ARRB1: variants seen among roughly 807,000 people sequenced by gnomAD.
ARRB1 encodes beta-arrestin-1.
ARRB1 carries 21 observed loss-of-function variants against 56.8 expected under a neutral mutation model. The ratio of observed to expected loss-of-function variants is 0.37; its 90% CI spans 0.26 to 0.53. ARRB1 has a LOEUF of 0.53. Among genes scored for constraint, ARRB1 ranks in the 20% least tolerant of loss-of-function variants. ARRB1 has a pLI of 0.88. For missense variants in ARRB1, 424 were observed against 553.7 expected, an observed-to-expected ratio of 0.77 and a Z score of 2.35; for synonymous variants, 210 against 218.6, an observed-to-expected ratio of 0.96 and a Z score of 0.35.
chr11:75,304,171 C>T (rs185112091), intron 1 of ARRB1, among the ~76,000 whole-genome samples: 1 of 152,142 alleles, frequency 6.6e-6, no homozygotes, highest in African/African-American at 2.4e-5. Flanking sequence ...GTTTGTTTTG[C>T]CAATTTCAAC....
intron 1 of ARRB1, among the ~76,000 whole-genome samples, chr11:75,298,948 AT>A (rs1946829748): frequency 6.6e-6 from 1 of 151,388 alleles, no homozygotes; most frequent in Non-Finnish European, 1.5e-5. Flanking sequence ...TTAATTTAAC[AT>A]AATTAACATA....
Position 75,297,586 on chromosome 11 carries a change from C to T in ARRB1, c.21-7547G>A, listed in dbSNP as rs554679319. ...GTACAAAAATTAACTCAAATGGGGCCGGGCGCTGTGTCTCACATCTGTAAT... is the reference window on the plus strand; with the variant it reads ...GTACAAAAATTAACTCAAATGGGGCTGGGCGCTGTGTCTCACATCTGTAAT... On this transcript the variant is annotated intron_variant, in intron 1 of 15. Coordinates refer to ENST00000420843, the MANE Select transcript of ARRB1 (RefSeq NM_004041.5). 1.2e-4 allele frequency among the ~76,000 whole-genome samples: 18 copies of T among 152,060 alleles called. No homozygotes were observed. The East Asian group carries it at 1.4e-3, about 11-fold the overall frequency.
chr11:75,342,671 C>T (rs2134996627), intron 1 of ARRB1, among the ~76,000 whole-genome samples: 1 of 152,276 alleles, frequency 6.6e-6, no homozygotes, highest in South Asian at 2.1e-4. Flanking sequence ...CCGGGAAAGG[C>T]TCAGTACATG....
At chr11:75,298,578 C>T (rs1437038271) in intron 1 of ARRB1, among the ~76,000 whole-genome samples, 2 of 152,118 alleles carry the variant, frequency 1.3e-5, no homozygotes, top group East Asian at 3.8e-4. Context: ...CTTCATACAT[C>T]GCTGGTGGGA....
chr11:75,299,331 C>T (rs908720465), intron 1 of ARRB1, among the ~76,000 whole-genome samples: 1 of 151,784 alleles, frequency 6.6e-6, no homozygotes. Flanking sequence ...CGCCCACCCA[C>T]ACGCTTCTTT....
chr11:75,317,995 C>A (rs569605764), intron 1 of ARRB1, among the ~76,000 whole-genome samples: 1 of 152,128 alleles, frequency 6.6e-6, no homozygotes, highest in Non-Finnish European at 1.5e-5. Flanking sequence ...CTCCACCCAC[C>A]GAGACGCTTA....
intron 11 of ARRB1, among the ~76,000 whole-genome samples, chr11:75,273,360 TG>T (rs1946115069): frequency 2.0e-5 from 3 of 148,492 alleles, no homozygotes; most frequent in African/African-American, 7.4e-5. Flanking sequence ...TGGGGTGGGG[TG>T]GGGTGGGGGC....
intron 1 of ARRB1, among the ~76,000 whole-genome samples, chr11:75,305,027 T>C (rs1479355044): frequency 1.9e-4 from 27 of 139,234 alleles, no homozygotes; most frequent in African/African-American, 7.1e-4. Flanking sequence ...TCTTTTTTTT[T>C]TTTTTTTTTT....
intron 1 of ARRB1, among the ~76,000 whole-genome samples, chr11:75,337,188 C>T (rs991826090): frequency 2.6e-5 from 4 of 152,104 alleles, no homozygotes; most frequent in Admixed American, 2.6e-4. Context: ...CAGTGGCTCA[C>T]ACCTATAATC....
In ARRB1 at chr11:75,351,571, G is replaced by A. The variant is rs540115174; in HGVS notation, c.20+17C>T. On this transcript the variant is annotated intron_variant, in intron 1 of 15. Coordinates refer to ENST00000420843, the MANE Select transcript of ARRB1 (RefSeq NM_004041.5). ...CGCCCCCACGCGCCCCCCGCCGGGC[G>A]GCCGCCCTGCACTCACCGGGTCCCT... 1.6e-5 allele frequency: 24 copies of A among 1,498,974 alleles called. No homozygotes were observed. In the South Asian group the frequency reaches 2.5e-4, roughly 16 times the overall value. The allele number at this position is 1,498,974 out of a possible 1,614,324, so 92.9% of individuals were successfully genotyped here.
intron 1 of ARRB1, among the ~76,000 whole-genome samples, chr11:75,339,908 G>A (rs535741599): frequency 5.9e-4 from 90 of 152,314 alleles, no homozygotes; most frequent in African/African-American, 1.9e-3. Flanking sequence ...CCCGAGGCCC[G>A]GGGAGATAGT....
chr11:75,323,126 C>A (rs1947374871), intron 1 of ARRB1, among the ~76,000 whole-genome samples: 1 of 152,192 alleles, frequency 6.6e-6, no homozygotes, highest in Non-Finnish European at 1.5e-5. Context: ...CTCCAAGCAA[C>A]CAGCTGCTCC....
Position 75,272,902 on chromosome 11 carries a change from G to A in ARRB1, c.991C>T (p.Arg331Trp), listed in dbSNP as rs753570544. ...CTTGGCTGGAGCACTCACCCGCCCC[G>A]AGACACCACCAGCTTCACTTTCACT... is the stretch of plus-strand genomic sequence containing the variant. ...YKVKVKLVVS[R>W]GGLLGDLASS... Residue 331 changes from arginine (R) to tryptophan (W), a missense_variant, in exon 12 of 16, where the codon CGG (arginine) becomes TGG (tryptophan). This residue lies in a region of ARRB1 where 121 missense variants were observed against 147.3 expected (regional missense o/e 0.82). Transcript: ENST00000420843. 7 of 1,613,852 alleles carry A rather than the reference G, an allele frequency of 4.3e-6. No individual in the cohort carries two copies. The highest frequency in any genetic ancestry group is 1.7e-5 in the Admixed American group (1 of 59,992).
chr11:75,322,895 G>A (rs1279975246), intron 1 of ARRB1, among the ~76,000 whole-genome samples: 1 of 152,152 alleles, frequency 6.6e-6, no homozygotes, highest in Non-Finnish European at 1.5e-5. Context: ...CTGTAAAATG[G>A]AGATTACAAC....
chr11:75,280,938 G>C, intron 7 of ARRB1, 137 bp downstream of exon 7: 2 of 1,027,252 alleles, frequency 1.9e-6, no homozygotes, highest in South Asian at 3.0e-5. Flanking sequence ...CCAGCTTCCA[G>C]AGTGCCCTTC....
At chr11:75,350,518 C>A (rs1276052619) in intron 1 of ARRB1, among the ~76,000 whole-genome samples, 1 of 152,190 alleles carries the variant, frequency 6.6e-6, no homozygotes, top group African/African-American at 2.4e-5. Context: ...ACGCTGAGCC[C>A]CTGACCAGCG....
intron 1 of ARRB1, among the ~76,000 whole-genome samples, chr11:75,346,292 A>G (rs995891465): frequency 3.3e-5 from 5 of 152,066 alleles, no homozygotes; most frequent in Non-Finnish European, 7.4e-5. Context: ...CCAGCACATT[A>G]CATGTCTTCC....
At chr11:75,294,488 C>T (rs942099202) in intron 1 of ARRB1, among the ~76,000 whole-genome samples, 8 of 151,852 alleles carry the variant, frequency 5.3e-5, no homozygotes, top group South Asian at 2.1e-4. Flanking sequence ...ACCAGGGAGG[C>T]GGAAGTTGCA....
intron 10 of ARRB1, chr11:75,275,079 T>C (rs1395281279): frequency 1.3e-5 from 2 of 151,612 alleles, no homozygotes; most frequent in African/African-American, 2.4e-5. Flanking sequence ...CACTCCAGCC[T>C]GGGCAACAGA....
Sources: allele counts gnomAD v4.1 joint callset (sites outside exome capture counted in the v4.1 genomes callset), GRCh38; gene constraint gnomAD v4.1.1; regional missense constraint gnomAD v4.1.1; transcripts MANE v1.5; gene names NCBI Gene and HGNC (gene_info 2026-07-23, HGNC 2026-07-21).